Variants in LRRC28 observed in about 807,000 individuals in gnomAD.
The protein encoded by LRRC28 is leucine rich repeat containing 28, also known as leucine-rich repeat-containing protein 28.
LRRC28 carries 39 observed loss-of-function variants against 45.7 expected under a neutral mutation model. The ratio of observed to expected loss-of-function variants is 0.85; its 90% CI spans 0.66 to 1.12. LRRC28 has a LOEUF of 1.12. LRRC28 is among the 50% of genes most tolerant of loss of function. The probability of loss-of-function intolerance (pLI) is 0.00; values close to 1 mark genes in which losing one functional copy is unlikely to be tolerated. For missense variants in LRRC28, 435 were observed against 438.5 expected, an observed-to-expected ratio of 0.99 and a Z score of 0.07; for synonymous variants, 206 against 178.8, an observed-to-expected ratio of 1.15 and a Z score of -1.22.
chr15:99,342,980 CTT>C (rs1162195321), intron 6 of LRRC28, among the ~76,000 whole-genome samples: 2 of 152,228 alleles, frequency 1.3e-5, no homozygotes, highest in Non-Finnish European at 2.9e-5. Context: ...GAAGGGTTCT[CTT>C]TGTAAAAAGC....
intron 6 of LRRC28, 71 bp downstream of exon 6, chr15:99,334,200 C>T: frequency 6.5e-7 from 1 of 1,532,512 alleles, no homozygotes; most frequent in African/African-American, 1.4e-5. Context: ...TGACTAGAAC[C>T]AATTAGTTAG....
intron 2 of LRRC28, among the ~76,000 whole-genome samples, chr15:99,265,206 G>A (rs1001035528): frequency 1.3e-5 from 2 of 152,330 alleles, no homozygotes; most frequent in African/African-American, 4.8e-5. Context: ...AGCTGTCTGA[G>A]GGATGGAGAA....
intron 9 of LRRC28, among the ~76,000 whole-genome samples, chr15:99,380,609 A>T (rs1357068159): frequency 2.0e-5 from 3 of 152,116 alleles, no homozygotes; most frequent in Non-Finnish European, 2.9e-5. Flanking sequence ...TTGTTAGTTG[A>T]TGCAGTTTCT....
intron 5 of LRRC28, among the ~76,000 whole-genome samples, chr15:99,325,857 G>A (rs1261228452): frequency 1.3e-5 from 2 of 152,184 alleles, no homozygotes; most frequent in Admixed American, 6.5e-5. Context: ...GAAAGCCAGG[G>A]CAGAGTTTGG....
intron 9 of LRRC28, among the ~76,000 whole-genome samples, chr15:99,364,400 C>G (rs1957287671): frequency 6.6e-6 from 1 of 152,148 alleles, no homozygotes; most frequent in South Asian, 2.1e-4. Context: ...TCCTGTTTTG[C>G]TATATTTCAC....
At chr15:99,285,608 C>T in intron 3 of LRRC28, 1 of 681,278 alleles carries the variant, frequency 1.5e-6, no homozygotes, top group East Asian at 2.5e-5. Flanking sequence ...TTTAACGATG[C>T]TTCCTCAGCA....
rs749121750 is a variant in LRRC28, at chr15:99,255,949, T to TATTC, written c.-7_-4dup. On this transcript the variant is annotated 5_prime_UTR_variant, in exon 2 of 10. Coordinates refer to ENST00000301981, the MANE Select transcript of LRRC28 (RefSeq NM_144598.5). ...GTGCTGCAGCGTGCCTGATGGGATA[T>TATTC]ATTCAGTCATGGCGTCCGAACTTTG... The TATTC allele has an allele frequency of 3.7e-6, 6 of 1,611,412 alleles. No individual in the cohort carries two copies. The highest frequency in any genetic ancestry group is 5.1e-6 in the Non-Finnish European group (6 of 1,179,584).
At chr15:99,335,875 A>G (rs1956305856) in intron 6 of LRRC28, among the ~76,000 whole-genome samples, 1 of 152,036 alleles carries the variant, frequency 6.6e-6, no homozygotes, top group Non-Finnish European at 1.5e-5. Context: ...AAAGGATGTG[A>G]TGGTTTGATT....
intron 8 of LRRC28, among the ~76,000 whole-genome samples, chr15:99,361,982 A>G (rs771585545): frequency 2.0e-5 from 3 of 152,200 alleles, no homozygotes; most frequent in Non-Finnish European, 4.4e-5. Context: ...GCATCTCAGC[A>G]ATATGTAGAC....
At chr15:99,260,375 C>A (rs541586373) in intron 2 of LRRC28, among the ~76,000 whole-genome samples, 1 of 152,232 alleles carries the variant, frequency 6.6e-6, no homozygotes, top group African/African-American at 2.4e-5. Flanking sequence ...GTAAATTGTT[C>A]TTTATAATAG....
intron 6 of LRRC28, among the ~76,000 whole-genome samples, chr15:99,347,334 C>T (rs1012754863): frequency 2.6e-5 from 4 of 152,066 alleles, no homozygotes; most frequent in African/African-American, 9.7e-5. Flanking sequence ...CTCAGCCTCC[C>T]GAGTAGCTGG....
At chr15:99,257,597 C>T (rs1260499380) in intron 2 of LRRC28, 11 of 624,890 alleles carry the variant, frequency 1.8e-5, no homozygotes, top group Non-Finnish European at 2.4e-5. Context: ...CTCTTGCGAT[C>T]GAAAGGGACT....
chr15:99,347,540 T>C (rs1407999491), intron 6 of LRRC28, among the ~76,000 whole-genome samples: 1 of 152,236 alleles, frequency 6.6e-6, no homozygotes, highest in African/African-American at 2.4e-5. Flanking sequence ...GTGCAATATT[T>C]TTCTTTGTAT....
At position 99,311,689 on chromosome 15, in the gene LRRC28, C is replaced by G. The variant is rs956983714; in HGVS notation, c.386-22234C>G. ...TGATTTAAAAATTTTAAAGAGTACT[C>G]TAAAAAGCCAAGAATATGCAACAGA... On this transcript the variant is annotated intron_variant, in intron 5 of 9. Transcript: ENST00000301981. Among the ~76,000 whole-genome samples the G allele has an allele frequency of 2.0e-5, 3 of 152,112 alleles. No individual in the cohort carries two copies. In the East Asian group the frequency reaches 5.8e-4, roughly 29 times the overall value.
chr15:99,358,986 A>G (rs1957125405), intron 7 of LRRC28, among the ~76,000 whole-genome samples: 1 of 152,044 alleles, frequency 6.6e-6, no homozygotes, highest in Non-Finnish European at 1.5e-5. Context: ...TGAGGAGGTG[A>G]ATCACTTGAA....
chr15:99,385,283 T>G (rs1454860522), intron 9 of LRRC28, among the ~76,000 whole-genome samples: 1 of 152,202 alleles, frequency 6.6e-6, no homozygotes, highest in East Asian at 1.9e-4. Context: ...GTCCCCTTCC[T>G]GGGCCACAGG....
At chr15:99,308,481 C>T (rs1054997326) in intron 5 of LRRC28, among the ~76,000 whole-genome samples, 2 of 152,210 alleles carry the variant, frequency 1.3e-5, no homozygotes, top group African/African-American at 4.8e-5. Flanking sequence ...GTCTGGGCAA[C>T]ATAGTAAGAC....
chr15:99,316,644 G>A (rs11247079), intron 5 of LRRC28, among the ~76,000 whole-genome samples: 61,292 of 150,802 alleles, frequency 0.41, 13,105 homozygotes, highest in African/African-American at 0.56. Context: ...AGAAAGTAGA[G>A]AATTAATGGA....
chr15:99,382,925 A>C (rs1297748350), intron 9 of LRRC28, among the ~76,000 whole-genome samples: 3 of 151,906 alleles, frequency 2.0e-5, no homozygotes, highest in Non-Finnish European at 4.4e-5. Context: ...GGATTTATCT[A>C]TTTCTCCTTT....
Sources: allele counts gnomAD v4.1 joint callset (sites outside exome capture counted in the v4.1 genomes callset), GRCh38; gene constraint gnomAD v4.1.1; transcripts MANE v1.5; gene names NCBI Gene and HGNC (gene_info 2026-07-23, HGNC 2026-07-21).